The following CHST8 variants were observed in gnomAD, a reference collection of about 807,000 sequenced individuals.
CHST8 encodes carbohydrate sulfotransferase 8.
In CHST8, 10 loss-of-function variants were observed where a neutral mutation model predicts 15.0. The ratio of observed to expected loss-of-function variants is 0.67; its 90% CI spans 0.41 to 1.13. The LOEUF (loss-of-function observed/expected upper bound fraction) is 1.13, where lower values mean the gene tolerates loss of function less well. CHST8 is among the 50% of genes most tolerant of loss of function. CHST8 has a pLI of 0.00. For synonymous variants in CHST8, 259 were observed against 256.6 expected, an observed-to-expected ratio of 1.01 and a Z score of -0.09; for missense variants, 634 against 608.2, an observed-to-expected ratio of 1.04 and a Z score of -0.45.
intron 2 of CHST8, among the ~76,000 whole-genome samples, chr19:33,678,707 C>G (rs1372103564): frequency 6.6e-6 from 1 of 152,070 alleles, no homozygotes; most frequent in African/African-American, 2.4e-5. Context: ...TCTCTGCACT[C>G]CAGCCTGGGT....
chr19:33,770,404 T>C lies in CHST8; in HGVS notation c.131-1009T>C, dbSNP rs115382038. On this transcript the variant is annotated intron_variant, in intron 3 of 4. Transcript: ENST00000650847. ...TTGGCAGAGCCTCAGGACGAAAATGTCCACCCACATGGTACTGGAGCAGAA... is the reference window on the plus strand; with the variant it reads ...TTGGCAGAGCCTCAGGACGAAAATGCCCACCCACATGGTACTGGAGCAGAA... 7.0e-3 allele frequency among the ~76,000 whole-genome samples: 1,073 copies of C among 152,278 alleles called. 15 individuals carry two copies. Among genetic ancestry groups the C allele is most frequent in the African/African-American group, 0.024 (995 of 41,546 alleles).
intron 2 of CHST8, among the ~76,000 whole-genome samples, chr19:33,680,506 G>A (rs567762251): frequency 6.6e-6 from 1 of 152,252 alleles, no homozygotes; most frequent in South Asian, 2.1e-4. Context: ...CCTCTTCAAG[G>A]TTCCTCACTG....
At chr19:33,739,280 T>C (rs181228799) in intron 3 of CHST8, among the ~76,000 whole-genome samples, 2 of 151,994 alleles carry the variant, frequency 1.3e-5, no homozygotes, top group African/African-American at 2.4e-5. Context: ...CTCCACAAGA[T>C]GAAGTGTTAA....
At chr19:33,724,431 G>T (rs1238837370) in intron 3 of CHST8, among the ~76,000 whole-genome samples, 1 of 152,196 alleles carries the variant, frequency 6.6e-6, no homozygotes, top group Non-Finnish European at 1.5e-5. Flanking sequence ...GCCCCCATCC[G>T]GGCTCAGCCA....
At chr19:33,753,259 C>T (rs1388959803) in intron 3 of CHST8, among the ~76,000 whole-genome samples, 1 of 151,928 alleles carries the variant, frequency 6.6e-6, no homozygotes. Context: ...TCCTGTCTCC[C>T]TCCAGCACCC....
intron 1 of CHST8, among the ~76,000 whole-genome samples, chr19:33,656,091 A>G (rs1001197637): frequency 2.6e-5 from 4 of 152,216 alleles, no homozygotes; most frequent in Non-Finnish European, 4.4e-5. Flanking sequence ...AATTTTTTGT[A>G]GTCTAAAATT....
chr19:33,712,608 T>C (rs1973577771), intron 3 of CHST8, among the ~76,000 whole-genome samples: 2 of 152,150 alleles, frequency 1.3e-5, no homozygotes, highest in Admixed American at 6.5e-5. Flanking sequence ...GTTAGTCCAT[T>C]TGCAGCCGCC....
At chr19:33,753,039 G>A (rs532427295) in intron 3 of CHST8, among the ~76,000 whole-genome samples, 17 of 152,250 alleles carry the variant, frequency 1.1e-4, no homozygotes, top group African/African-American at 3.4e-4. Context: ...CTGCAGCCAG[G>A]GGGGTGCACT....
chr19:33,629,679 A>T (rs560675432), intron 1 of CHST8, among the ~76,000 whole-genome samples: 2 of 152,346 alleles, frequency 1.3e-5, no homozygotes, highest in South Asian at 4.1e-4. Context: ...AGCTGCAGGC[A>T]ACAGCCCAGG....
At chr19:33,652,393 T>TG (rs1555712121) in intron 1 of CHST8, among the ~76,000 whole-genome samples, 1 of 145,360 alleles carries the variant, frequency 6.9e-6, no homozygotes, top group Non-Finnish European at 1.5e-5. Context: ...TTTTTTTTTT[T>TG]GAGACAGCTT....
chr19:33,665,004 G>A (rs191518568), intron 1 of CHST8, among the ~76,000 whole-genome samples: 20 of 152,272 alleles, frequency 1.3e-4, no homozygotes, highest in Admixed American at 2.0e-4. Flanking sequence ...ATCCACTGAT[G>A]GGCACTTAGG....
chr19:33,770,027 T>C (rs1210754177), intron 3 of CHST8, among the ~76,000 whole-genome samples: 1 of 152,122 alleles, frequency 6.6e-6, no homozygotes, highest in Non-Finnish European at 1.5e-5. Context: ...TGACCTTGCA[T>C]CTCCTTCCTG....
intron 3 of CHST8, among the ~76,000 whole-genome samples, chr19:33,694,525 G>T (rs11666546): frequency 6.6e-6 from 1 of 151,908 alleles, no homozygotes; most frequent in African/African-American, 2.4e-5. Context: ...GAAATTTAAC[G>T]ATGAAGATAA....
chr19:33,710,521 T>C (rs538516263), intron 3 of CHST8, among the ~76,000 whole-genome samples: 1 of 152,366 alleles, frequency 6.6e-6, no homozygotes, highest in Non-Finnish European at 1.5e-5. Flanking sequence ...ATTACTGCTA[T>C]AAATTTTCCT....
At chr19:33,727,903 G>A (rs1973931330) in intron 3 of CHST8, among the ~76,000 whole-genome samples, 1 of 152,220 alleles carries the variant, frequency 6.6e-6, no homozygotes, top group Non-Finnish European at 1.5e-5. Context: ...TCACTCGGCT[G>A]GGCTGTGCCT....
intron 2 of CHST8, among the ~76,000 whole-genome samples, chr19:33,680,743 C>T (rs1436511074): frequency 6.6e-6 from 1 of 152,194 alleles, no homozygotes; most frequent in Non-Finnish European, 1.5e-5. Context: ...AGTCCCTTAA[C>T]TTTAAAATGT....
At chr19:33,706,791 T>G (rs1175032168) in intron 3 of CHST8, among the ~76,000 whole-genome samples, 1 of 152,230 alleles carries the variant, frequency 6.6e-6, no homozygotes, top group Non-Finnish European at 1.5e-5. Flanking sequence ...TTTCTGGGCT[T>G]AAATCAACTG....
chr19:33,696,177 G>A (rs10420972), intron 3 of CHST8, among the ~76,000 whole-genome samples: 53,083 of 151,918 alleles, frequency 0.35, 9,918 homozygotes, highest in African/African-American at 0.47. Context: ...GGTTGGTTCC[G>A]TATCTTTGCA....
At chr19:33,718,093 T>A (rs1012123465) in intron 3 of CHST8, among the ~76,000 whole-genome samples, 6 of 152,142 alleles carry the variant, frequency 3.9e-5, no homozygotes, top group Non-Finnish European at 2.9e-5. Context: ...AAAGCAGTGC[T>A]CCCTGCTCCT....
Sources: allele counts gnomAD v4.1 joint callset (sites outside exome capture counted in the v4.1 genomes callset), GRCh38; gene constraint gnomAD v4.1.1; transcripts MANE v1.5; gene names NCBI Gene and HGNC (gene_info 2026-07-23, HGNC 2026-07-21).